INSYN2A: variants seen among roughly 807,000 people sequenced by gnomAD.
INSYN2A encodes the protein inhibitory synaptic factor 2A, also known as family with sequence similarity 196 member A.
In INSYN2A, 17 loss-of-function variants were observed where a neutral mutation model predicts 39.4. The ratio of observed to expected loss-of-function variants is 0.43; its 90% CI spans 0.30 to 0.65. INSYN2A has a LOEUF of 0.65. Ranked by LOEUF, INSYN2A falls within the 30% of genes least tolerant of loss-of-function variation. INSYN2A has a pLI of 0.14. For synonymous variants in INSYN2A, 255 were observed against 265.7 expected (o/e 0.96, Z 0.39); for missense variants, 595 against 631.2 (o/e 0.94, Z 0.61).
chr10:127,195,992 C>T lies in INSYN2A; in HGVS notation c.-395+5G>A, dbSNP rs2057111281. The T allele has an allele frequency of 6.6e-6, 1 of 152,140 alleles. No homozygotes were observed. The allele number at this position is 152,140 out of a possible 1,614,324, so 9.4% of individuals were successfully genotyped here. On this transcript the variant is annotated splice_donor_5th_base_variant and intron_variant, in intron 1 of 5. Coordinates refer to ENST00000522781, the MANE Select transcript of INSYN2A (RefSeq NM_001039762.3). ...CGGGAGGAGGGCACGCGGGGCTCCG[C>T]TTACCTTCCGCTGCTTACAGATAAG...
At chr10:127,148,517 G>T (rs1249873894) in intron 5 of INSYN2A, among the ~76,000 whole-genome samples, 1 of 152,070 alleles carries the variant, frequency 6.6e-6, no homozygotes, top group African/African-American at 2.4e-5. Flanking sequence ...CCATTTTGTC[G>T]CAGTACTATG....
chr10:127,186,321 C>G (rs1415854983), intron 2 of INSYN2A, among the ~76,000 whole-genome samples: 2 of 152,164 alleles, frequency 1.3e-5, no homozygotes, highest in African/African-American at 4.8e-5. Flanking sequence ...AAAGGAGAAG[C>G]AGGCACCTTC....
chr10:127,194,818 C>G (rs575895790), intron 1 of INSYN2A, among the ~76,000 whole-genome samples: 14 of 152,174 alleles, frequency 9.2e-5, no homozygotes, highest in Non-Finnish European at 1.8e-4. Context: ...CAGGGCTCCC[C>G]CAAAGTTCAT....
Position 127,176,116 on chromosome 10 carries a change from T to C in INSYN2A, c.280A>G (p.Arg94Gly). Residue 94 changes from arginine to glycine, a missense_variant, in exon 4 of 6, where the codon AGG becomes GGG. Transcript: ENST00000522781. The surrounding 1 kb of genome is among the most constrained non-coding windows in gnomAD (Gnocchi z 4.4). The part of the protein sequence containing the change: ...YRKYMTVPAR[R>G]SIPNVTKSTG... Reference sequence around the variant, plus strand: ...CTCTTGGTGACGTTGGGGATGGACCTGCGTGCGGGCACTGTCATGTATTTG... The same window carrying C: ...CTCTTGGTGACGTTGGGGATGGACCCGCGTGCGGGCACTGTCATGTATTTG... The C allele has an allele frequency of 6.2e-7, 1 of 1,614,142 alleles. No individual in the cohort carries two copies. The highest frequency in any genetic ancestry group is 2.2e-5 in the East Asian group (1 of 44,844).
At chr10:127,139,478 C>T (rs1462885868) in intron 5 of INSYN2A, among the ~76,000 whole-genome samples, 2 of 151,822 alleles carry the variant, frequency 1.3e-5, no homozygotes, top group East Asian at 3.9e-4. Context: ...TTTCGAAGAG[C>T]CTCTTTGAGT....
At chr10:127,188,439 T>G (rs1281061359) in intron 2 of INSYN2A, among the ~76,000 whole-genome samples, 1 of 152,224 alleles carries the variant, frequency 6.6e-6, no homozygotes, top group Admixed American at 6.5e-5. Context: ...TTCTGTTCCC[T>G]TCTAGAAATT....
chr10:127,158,799 A>T (rs1452350791), intron 4 of INSYN2A, among the ~76,000 whole-genome samples: 1 of 152,208 alleles, frequency 6.6e-6, no homozygotes, highest in Non-Finnish European at 1.5e-5. Flanking sequence ...GTCCCATGGC[A>T]GTTAGTTGTA....
intron 4 of INSYN2A, among the ~76,000 whole-genome samples, chr10:127,157,570 T>C (rs767765214): frequency 1.6e-4 from 25 of 152,216 alleles, no homozygotes; most frequent in Non-Finnish European, 2.9e-4. Flanking sequence ...CCCAGCCCAA[T>C]TCACCAATTC....
At chr10:127,155,462 C>T (rs1373575877) in intron 4 of INSYN2A, among the ~76,000 whole-genome samples, 1 of 152,188 alleles carries the variant, frequency 6.6e-6, no homozygotes, top group East Asian at 1.9e-4. Flanking sequence ...TCTCTATCGT[C>T]TTTCCATCAT....
chr10:127,166,199 G>A (rs1358879602), intron 4 of INSYN2A, among the ~76,000 whole-genome samples: 1 of 152,118 alleles, frequency 6.6e-6, no homozygotes, highest in South Asian at 2.1e-4. Context: ...CCAAGTAGCT[G>A]GGACTACAGG....
At chr10:127,140,073 A>C (rs2051077340) in intron 5 of INSYN2A, among the ~76,000 whole-genome samples, 1 of 152,172 alleles carries the variant, frequency 6.6e-6, no homozygotes, top group Non-Finnish European at 1.5e-5. Context: ...TGTGTTCTCC[A>C]GATCGTAACC....
At chr10:127,178,248 A>G (rs1564875091) in intron 2 of INSYN2A, among the ~76,000 whole-genome samples, 1 of 152,362 alleles carries the variant, frequency 6.6e-6, no homozygotes, top group East Asian at 1.9e-4. Context: ...CAAATTCTTC[A>G]TACATTATGC....
At chr10:127,191,963 C>T (rs573967312) in intron 2 of INSYN2A, among the ~76,000 whole-genome samples, 1 of 152,322 alleles carries the variant, frequency 6.6e-6, no homozygotes, top group East Asian at 1.9e-4. Context: ...TAGTTTACTG[C>T]ATTTCATTTC....
intron 4 of INSYN2A, among the ~76,000 whole-genome samples, chr10:127,158,848 G>C (rs765696309): frequency 6.6e-6 from 1 of 152,074 alleles, no homozygotes; most frequent in Admixed American, 6.6e-5. Flanking sequence ...GGAAAACATC[G>C]CATTCAGCAC....
intron 2 of INSYN2A, among the ~76,000 whole-genome samples, chr10:127,177,808 G>A (rs1362405049): frequency 3.3e-5 from 5 of 152,228 alleles, no homozygotes; most frequent in East Asian, 3.9e-4. Flanking sequence ...TGCTCTGCTC[G>A]TTCACATACA....
intron 5 of INSYN2A, among the ~76,000 whole-genome samples, chr10:127,141,029 C>A (rs2051190819): frequency 6.6e-6 from 1 of 152,136 alleles, no homozygotes; most frequent in African/African-American, 2.4e-5. Context: ...CTACCTGGGG[C>A]CACATCTTTG....
chr10:127,170,513 G>A (rs1280603233), intron 4 of INSYN2A, among the ~76,000 whole-genome samples: 1 of 152,162 alleles, frequency 6.6e-6, no homozygotes, highest in Non-Finnish European at 1.5e-5. Flanking sequence ...TCATTAGGCT[G>A]TCACCAGCCA....
chr10:127,179,918 A>T (rs2055564457), intron 2 of INSYN2A, among the ~76,000 whole-genome samples: 2 of 152,180 alleles, frequency 1.3e-5, no homozygotes, highest in Non-Finnish European at 1.5e-5. Context: ...TTTGATCCTC[A>T]TCATATCCTT....
chr10:127,177,212 T>A (rs1589793287), intron 2 of INSYN2A, 73 bp from the exon 3 acceptor site: 2 of 152,048 alleles, frequency 1.3e-5, no homozygotes, highest in South Asian at 4.2e-4. Flanking sequence ...CCTCCGAAAA[T>A]GAAAACAATG....
Sources: allele counts gnomAD v4.1 joint callset (sites outside exome capture counted in the v4.1 genomes callset), GRCh38; gene constraint gnomAD v4.1.1; non-coding constraint Gnocchi (gnomAD v3.1); transcripts MANE v1.5; gene names NCBI Gene and HGNC (gene_info 2026-07-23, HGNC 2026-07-21).